Variants in ROBO2 observed in about 807,000 individuals in gnomAD.
The protein encoded by ROBO2 is roundabout guidance receptor 2, also known as roundabout homolog 2.
In ROBO2, 53 loss-of-function variants were observed where a neutral mutation model predicts 160.8. The observed-to-expected ratio is 0.33, with a 90% CI of 0.26 to 0.41. ROBO2 has a LOEUF of 0.41. ROBO2 is among the 10% of genes least tolerant of loss of function. The pLI is 1.00. For missense variants in ROBO2, 1,577 were observed against 1,722.4 expected (o/e 0.92, Z 1.49); for synonymous variants, 664 against 611.7 (o/e 1.09, Z -1.26).
At chr3:77,100,558 G>T (rs2071767332) in intron 2 of ROBO2, among the ~76,000 whole-genome samples, 1 of 151,428 alleles carries the variant, frequency 6.6e-6, no homozygotes, top group Admixed American at 6.6e-5. Flanking sequence ...TGTTAAATTG[G>T]CCTTCATATT....
intron 2 of ROBO2, among the ~76,000 whole-genome samples, chr3:76,794,787 C>T (rs1438138656): frequency 2.0e-5 from 3 of 152,062 alleles, no homozygotes; most frequent in African/African-American, 7.2e-5. Context: ...AGTCTTTTCA[C>T]AAGCATTTCT....
chr3:76,090,635 C>T (rs1310007828), intron 2 of ROBO2, among the ~76,000 whole-genome samples: 2 of 152,068 alleles, frequency 1.3e-5, no homozygotes, highest in Admixed American at 6.6e-5. Flanking sequence ...TCAGAATCGC[C>T]AATTTAATAT....
intron 2 of ROBO2, among the ~76,000 whole-genome samples, chr3:76,141,207 ATATC>A (rs1178595446): frequency 7.8e-6 from 1 of 127,692 alleles, no homozygotes; most frequent in Non-Finnish European, 1.6e-5. Flanking sequence ...TGATATATAT[ATATC>A]AGACATTAAA....
intron 2 of ROBO2, among the ~76,000 whole-genome samples, chr3:76,735,385 T>A (rs973388140): frequency 2.0e-5 from 3 of 152,054 alleles, no homozygotes; most frequent in Non-Finnish European, 4.4e-5. Context: ...GAGCAAAACA[T>A]TGTGTATTCA....
At chr3:76,919,402 G>C (rs545487905) in intron 2 of ROBO2, among the ~76,000 whole-genome samples, 1 of 152,186 alleles carries the variant, frequency 6.6e-6, no homozygotes, top group Non-Finnish European at 1.5e-5. Flanking sequence ...AGCACATATA[G>C]AGCTGAACAT....
At chr3:76,812,338 G>T (rs1025834624) in intron 2 of ROBO2, among the ~76,000 whole-genome samples, 2 of 128,552 alleles carry the variant, frequency 1.6e-5, no homozygotes, top group Non-Finnish European at 3.3e-5. Flanking sequence ...AAAGATAAAA[G>T]CTATTTGAAA....
intron 5 of ROBO2, among the ~76,000 whole-genome samples, chr3:77,511,558 A>G (rs1221452243): frequency 6.6e-6 from 1 of 151,940 alleles, no homozygotes; most frequent in Non-Finnish European, 1.5e-5. Flanking sequence ...TTAGTTTTTT[A>G]GCTGGAAAAT....
intron 2 of ROBO2, among the ~76,000 whole-genome samples, chr3:76,663,386 G>A (rs190235602): frequency 3.2e-3 from 487 of 152,262 alleles, no homozygotes; most frequent in African/African-American, 0.01. Context: ...ACATTTTGCC[G>A]TCCTTACTGA....
intron 2 of ROBO2, among the ~76,000 whole-genome samples, chr3:76,704,019 T>C (rs2093103931): frequency 1.3e-5 from 2 of 152,194 alleles, no homozygotes; most frequent in Non-Finnish European, 1.5e-5. Flanking sequence ...GTTTCTGATA[T>C]GGAATGGGCA....
chr3:77,498,391 T>C (rs1386008195), intron 5 of ROBO2, among the ~76,000 whole-genome samples: 1 of 152,188 alleles, frequency 6.6e-6, no homozygotes, highest in Non-Finnish European at 1.5e-5. Flanking sequence ...AATTAATGAA[T>C]ATTTCATAAA....
At chr3:77,437,562 CTTATAG>C (rs2079427090) in intron 2 of ROBO2, among the ~76,000 whole-genome samples, 1 of 151,658 alleles carries the variant, frequency 6.6e-6, no homozygotes, top group African/African-American at 2.4e-5. Flanking sequence ...GTTTATTTTT[CTTATAG>C]TTATATTAAA....
intron 2 of ROBO2, among the ~76,000 whole-genome samples, chr3:76,219,027 G>A (rs980561972): frequency 2.5e-4 from 38 of 152,214 alleles, no homozygotes; most frequent in Admixed American, 8.5e-4. Context: ...CAACTATCTG[G>A]TCTTTGACAA....
At chr3:76,667,977 T>C (rs1161574215) in intron 2 of ROBO2, among the ~76,000 whole-genome samples, 1 of 152,140 alleles carries the variant, frequency 6.6e-6, no homozygotes, top group Non-Finnish European at 1.5e-5. Flanking sequence ...TCTCAAAAAT[T>C]TGTAAGCCCC....
chr3:76,949,940 A>G (rs1293761167), intron 2 of ROBO2, among the ~76,000 whole-genome samples: 4 of 152,234 alleles, frequency 2.6e-5, no homozygotes, highest in Non-Finnish European at 4.4e-5. Flanking sequence ...TTCAACCTAT[A>G]TAAGATACAT....
At chr3:76,125,361 C>T (rs2070930423) in intron 2 of ROBO2, among the ~76,000 whole-genome samples, 1 of 152,038 alleles carries the variant, frequency 6.6e-6, no homozygotes, top group Admixed American at 6.6e-5. Flanking sequence ...GAGTATATGC[C>T]AGTCATGGGA....
chr3:76,550,308 C>T (rs2108345219), intron 2 of ROBO2, among the ~76,000 whole-genome samples: 1 of 149,832 alleles, frequency 6.7e-6, no homozygotes, highest in East Asian at 2.0e-4. Context: ...TGTGATAATG[C>T]CTTCTAAATA....
chr3:76,674,566 CTG>C (rs1328806776), intron 2 of ROBO2, among the ~76,000 whole-genome samples: 1 of 149,680 alleles, frequency 6.7e-6, no homozygotes, highest in African/African-American at 2.5e-5. Flanking sequence ...CTAATAGAGA[CTG>C]TGTTTTCTAA....
chr3:77,182,842 T>G (rs2080920475), intron 2 of ROBO2, among the ~76,000 whole-genome samples: 1 of 152,090 alleles, frequency 6.6e-6, no homozygotes, highest in Non-Finnish European at 1.5e-5. Flanking sequence ...TGGTATTATA[T>G]GAGACCTCCT....
At chr3:76,295,362 A>T (rs1196198195) in intron 2 of ROBO2, among the ~76,000 whole-genome samples, 1 of 152,190 alleles carries the variant, frequency 6.6e-6, no homozygotes, top group African/African-American at 2.4e-5. Flanking sequence ...CTTAAAAAAA[A>T]GTATGAATGT....
Sources: gnomAD v4.1 joint callset for allele counts (sites outside exome capture counted in the v4.1 genomes callset) on GRCh38, gnomAD v4.1.1 for gene constraint, MANE v1.5 for transcripts, NCBI Gene and HGNC (gene_info 2026-07-23, HGNC 2026-07-21) for gene names.